The following GRIK2 variants were observed in gnomAD, a reference collection of about 807,000 sequenced individuals.
GRIK2 encodes glutamate receptor ionotropic, kainate 2.
A neutral mutation model predicts 100.3 loss-of-function variants in GRIK2; 32 were observed. The ratio of observed to expected loss-of-function variants is 0.32; its 90% confidence interval spans 0.24 to 0.43. GRIK2 has a LOEUF of 0.43. Ranked by LOEUF, GRIK2 falls within the 20% of genes least tolerant of loss-of-function variation. GRIK2 has a pLI of 1.00. For synonymous variants in GRIK2, 417 were observed against 389.4 expected (o/e 1.07, Z -0.83); for missense variants, 843 against 1,114.9 (o/e 0.76, Z 3.47).
chr6:101,640,829 C>T (rs1042024795), intron 4 of GRIK2, among the ~76,000 whole-genome samples: 5 of 152,002 alleles, frequency 3.3e-5, no homozygotes, highest in Admixed American at 3.3e-4. Flanking sequence ...CCAATCTTGA[C>T]CAATATACAA....
At chr6:101,609,507 A>G (rs1779580026) in intron 2 of GRIK2, among the ~76,000 whole-genome samples, 1 of 151,908 alleles carries the variant, frequency 6.6e-6, no homozygotes, top group African/African-American at 2.4e-5. Flanking sequence ...TGGAAGGAAC[A>G]CAGTGTGATC....
intron 2 of GRIK2, among the ~76,000 whole-genome samples, chr6:101,464,197 C>A (rs1771490431): frequency 1.3e-5 from 2 of 152,098 alleles, no homozygotes; most frequent in South Asian, 4.1e-4. Context: ...AGCTAGCAAT[C>A]AAGGCAACTA....
intron 2 of GRIK2, among the ~76,000 whole-genome samples, chr6:101,617,558 C>T (rs543945570): frequency 6.6e-6 from 1 of 151,890 alleles, no homozygotes; most frequent in Non-Finnish European, 1.5e-5. Flanking sequence ...TGTATATTTT[C>T]AGTGGTAGAA....
intron 2 of GRIK2, among the ~76,000 whole-genome samples, chr6:101,557,217 T>C (rs1313330691): frequency 6.6e-6 from 1 of 152,204 alleles, no homozygotes; most frequent in Non-Finnish European, 1.5e-5. Flanking sequence ...CTACTGACTT[T>C]AAATTTTTTG....
intron 2 of GRIK2, among the ~76,000 whole-genome samples, chr6:101,551,239 A>G (rs1776494533): frequency 6.6e-6 from 1 of 152,184 alleles, no homozygotes; most frequent in Admixed American, 6.5e-5. Context: ...TTTAAGGTAT[A>G]GTTCTCATTT....
At chr6:101,529,375 T>C (rs1174126512) in intron 2 of GRIK2, among the ~76,000 whole-genome samples, 2 of 152,106 alleles carry the variant, frequency 1.3e-5, no homozygotes, top group Non-Finnish European at 1.5e-5. Flanking sequence ...CATTAATTGC[T>C]TCTCTAATTG....
At chr6:101,910,870 C>T (rs1725435306) in intron 12 of GRIK2, among the ~76,000 whole-genome samples, 1 of 147,294 alleles carries the variant, frequency 6.8e-6, no homozygotes, top group Admixed American at 6.9e-5. Flanking sequence ...CACACATACA[C>T]AAGCATTGGC....
At chr6:101,547,387 T>C (rs1288202729) in intron 2 of GRIK2, among the ~76,000 whole-genome samples, 1 of 152,336 alleles carries the variant, frequency 6.6e-6, no homozygotes, top group African/African-American at 2.4e-5. Context: ...GTTACATATG[T>C]ATACATGTGC....
At chr6:101,886,906 A>G (rs1786679377) in intron 11 of GRIK2, among the ~76,000 whole-genome samples, 1 of 139,614 alleles carries the variant, frequency 7.2e-6, no homozygotes, top group Non-Finnish European at 1.5e-5. Flanking sequence ...GCTCACTGCA[A>G]CCTCCACCTC....
intron 1 of GRIK2, among the ~76,000 whole-genome samples, chr6:101,398,325 A>C (rs984975108): frequency 3.3e-5 from 5 of 152,210 alleles, no homozygotes; most frequent in Admixed American, 1.3e-4. Context: ...TAACTTCTCC[A>C]TTTTAATTTG....
intron 12 of GRIK2, among the ~76,000 whole-genome samples, chr6:101,902,184 G>A (rs1384195331): frequency 6.6e-6 from 1 of 151,908 alleles, no homozygotes; most frequent in Non-Finnish European, 1.5e-5. Context: ...GAGGGTCACC[G>A]AATACAGATT....
At chr6:101,659,945 G>A (rs547416525) in intron 4 of GRIK2, among the ~76,000 whole-genome samples, 55 of 152,190 alleles carry the variant, frequency 3.6e-4, no homozygotes, top group African/African-American at 1.3e-3. Flanking sequence ...ACGATTATGT[G>A]TCTTTGGGGT....
intron 2 of GRIK2, among the ~76,000 whole-genome samples, chr6:101,558,500 A>C (rs942881065): frequency 1.3e-5 from 2 of 152,168 alleles, no homozygotes; most frequent in African/African-American, 4.8e-5. Context: ...TGTACTATAC[A>C]AGGGAACACA....
At chr6:101,734,814 A>G (rs1012719243) in intron 7 of GRIK2, among the ~76,000 whole-genome samples, 7 of 152,210 alleles carry the variant, frequency 4.6e-5, no homozygotes, top group Middle Eastern at 3.2e-3. Flanking sequence ...GACATGAGGA[A>G]GTTTGGGTTG....
intron 2 of GRIK2, among the ~76,000 whole-genome samples, chr6:101,599,189 C>T (rs938812545): frequency 1.3e-5 from 2 of 151,780 alleles, no homozygotes; most frequent in Admixed American, 6.6e-5. Context: ...TCAGTTTCTG[C>T]ATTAATTTGC....
At chr6:101,753,300 A>G (rs562963589) in intron 7 of GRIK2, among the ~76,000 whole-genome samples, 1 of 151,616 alleles carries the variant, frequency 6.6e-6, no homozygotes, top group Non-Finnish European at 1.5e-5. Context: ...AAAAAAAAAA[A>G]AAGAAAATAA....
chr6:102,054,258 C>G (rs1771353430), intron 15 of GRIK2, among the ~76,000 whole-genome samples: 2 of 152,124 alleles, frequency 1.3e-5, no homozygotes, highest in Admixed American at 6.6e-5. Flanking sequence ...ATTGCCTACT[C>G]TCACTAAAAG....
chr6:101,741,554 A>AT (rs1022717902), intron 7 of GRIK2, among the ~76,000 whole-genome samples: 2 of 152,124 alleles, frequency 1.3e-5, no homozygotes, highest in African/African-American at 4.8e-5. Flanking sequence ...AACAAAATGT[A>AT]TTTTTTTAAA....
intron 14 of GRIK2, among the ~76,000 whole-genome samples, chr6:102,002,009 G>A: frequency 6.6e-6 from 1 of 151,624 alleles, no homozygotes; most frequent in African/African-American, 2.4e-5. Flanking sequence ...TTTGTTGAGA[G>A]TGGATACCTA....
Sources: gnomAD v4.1 joint callset for allele counts (sites outside exome capture counted in the v4.1 genomes callset) on GRCh38, gnomAD v4.1.1 for gene constraint, MANE v1.5 for transcripts, NCBI Gene and HGNC (gene_info 2026-07-23, HGNC 2026-07-21) for gene names.